RYR2: variants seen among roughly 807,000 people sequenced by gnomAD.
RYR2 encodes ryanodine receptor 2.
Under a neutral mutation model 601.1 loss-of-function variants are expected in RYR2, and 227 were observed. The observed-to-expected ratio is 0.38, with a 90% CI of 0.34 to 0.42. The LOEUF is 0.42. Among genes scored for constraint, RYR2 ranks in the 10% least tolerant of loss-of-function variants. The probability of loss-of-function intolerance (pLI) is 1.00; values close to 1 mark genes in which losing one functional copy is unlikely to be tolerated. For missense variants in RYR2, 4,646 were observed against 6,156.5 expected (o/e 0.75, Z 8.21); for synonymous variants, 2,223 against 2,175.1 (o/e 1.02, Z -0.61).
chr1:237,401,612 A>G (rs1703354472), intron 10 of RYR2, among the ~76,000 whole-genome samples: 1 of 152,214 alleles, frequency 6.6e-6, no homozygotes, highest in Admixed American at 6.5e-5. Context: ...CCCTCTTAGC[A>G]CATAAATGTG....
chr1:237,233,737 C>T (rs1008655987), intron 1 of RYR2, among the ~76,000 whole-genome samples: 2 of 152,182 alleles, frequency 1.3e-5, no homozygotes, highest in African/African-American at 2.4e-5. Flanking sequence ...TCACTGCAAT[C>T]TCTTCCTCCT....
At chr1:237,756,437 C>A in intron 81 of RYR2, 50 bp downstream of exon 81, 1 of 1,252,118 alleles carries the variant, frequency 8.0e-7, no homozygotes. Context: ...CAGATTTCCT[C>A]GTTGCTCTCA....
At chr1:237,471,846 C>G (rs1162054099) in intron 17 of RYR2, among the ~76,000 whole-genome samples, 1 of 151,252 alleles carries the variant, frequency 6.6e-6, no homozygotes, top group Non-Finnish European at 1.5e-5. Context: ...TAATGAAAGT[C>G]AAGGGAAAGA....
chr1:237,828,844 A>G (rs1373022320), intron 102 of RYR2, among the ~76,000 whole-genome samples: 1 of 152,132 alleles, frequency 6.6e-6, no homozygotes, highest in Non-Finnish European at 1.5e-5. Flanking sequence ...ATTTCCTAGA[A>G]GAAGGGATGT....
chr1:237,157,153 G>T (rs986407643), intron 1 of RYR2, among the ~76,000 whole-genome samples: 4 of 151,878 alleles, frequency 2.6e-5, no homozygotes, highest in African/African-American at 9.7e-5. Context: ...AAAATTAGTT[G>T]GGTGTGGTGG....
At chr1:237,462,208 C>G (rs2150258678) in intron 16 of RYR2, among the ~76,000 whole-genome samples, 1 of 152,242 alleles carries the variant, frequency 6.6e-6, no homozygotes. Flanking sequence ...CATAGATTCT[C>G]TCCTGGGGTT....
At chr1:237,441,285 G>A (rs750736457) in intron 12 of RYR2, 34 bp from the exon 13 acceptor site, 17 of 1,612,042 alleles carry the variant, frequency 1.1e-5, no homozygotes, top group Non-Finnish European at 1.4e-5. Context: ...TTTTTGAAAT[G>A]TTTACTGACC....
At position 237,530,490 on chromosome 1, in the gene RYR2, A is replaced by G. The variant is rs2147940587; in HGVS notation, c.2886A>G (p.Lys962=). The G allele has an allele frequency of 1.2e-6, 2 of 1,605,736 alleles. No individual in the cohort carries two copies. The highest frequency in any genetic ancestry group is 8.5e-7 in the Non-Finnish European group (1 of 1,175,768). ...ATGAACATGCTGAAGACAAGGTGAA[A>G]AAAATGAAGCTACCCAAGAAGTAAG... ...ISDEHAEDKV[K]KMKLPKNYQL... Residue 962 remains lysine, a synonymous_variant, in exon 25 of 105, where the codon AAA becomes AAG. Coordinates refer to ENST00000366574, the MANE Select transcript of RYR2 (RefSeq NM_001035.3).
chr1:237,575,444 C>T (rs1277311062), intron 29 of RYR2, among the ~76,000 whole-genome samples: 1 of 152,104 alleles, frequency 6.6e-6, no homozygotes, highest in Non-Finnish European at 1.5e-5. Context: ...CCTTTATGTA[C>T]ACATTCCTCA....
intron 1 of RYR2, among the ~76,000 whole-genome samples, chr1:237,097,973 T>G (rs1441551565): frequency 6.6e-6 from 1 of 152,246 alleles, no homozygotes; most frequent in Non-Finnish European, 1.5e-5. Flanking sequence ...AATTTCAAAT[T>G]GCATGTCCTT....
intron 12 of RYR2, among the ~76,000 whole-genome samples, chr1:237,428,447 G>A (rs1376172774): frequency 6.6e-6 from 1 of 152,140 alleles, no homozygotes; most frequent in African/African-American, 2.4e-5. Context: ...GTCCTTTGAA[G>A]TGACATGGAT....
intron 60 of RYR2, among the ~76,000 whole-genome samples, chr1:237,676,955 C>G (rs1445288462): frequency 6.6e-6 from 1 of 152,026 alleles, no homozygotes; most frequent in Non-Finnish European, 1.5e-5. Flanking sequence ...ATGAATCCAG[C>G]CATTTTGCAT....
At chr1:237,073,975 C>T (rs1163248950) in intron 1 of RYR2, among the ~76,000 whole-genome samples, 1 of 150,996 alleles carries the variant, frequency 6.6e-6, no homozygotes, top group African/African-American at 2.4e-5. Context: ...TCACCTTTTC[C>T]TTTTCGTCGT....
At chr1:237,350,950 T>C (rs931684997) in intron 3 of RYR2, among the ~76,000 whole-genome samples, 8 of 152,086 alleles carry the variant, frequency 5.3e-5, no homozygotes, top group Admixed American at 1.3e-4. Context: ...CACAGCACCA[T>C]ATGCTGAGAA....
At chr1:237,789,805 G>A (rs112949399) in intron 92 of RYR2, among the ~76,000 whole-genome samples, 4 of 152,338 alleles carry the variant, frequency 2.6e-5, no homozygotes, top group African/African-American at 9.6e-5. Flanking sequence ...CACATGACCA[G>A]TCATGGCCAC....
chr1:237,772,993 T>G (rs939106337), intron 86 of RYR2, among the ~76,000 whole-genome samples: 1 of 152,222 alleles, frequency 6.6e-6, no homozygotes, highest in African/African-American at 2.4e-5. Context: ...CTTATTTAGA[T>G]ATTTGTTTAC....
chr1:237,644,659 GT>G (rs910270268), intron 48 of RYR2, among the ~76,000 whole-genome samples: 1 of 151,666 alleles, frequency 6.6e-6, no homozygotes, highest in Non-Finnish European at 1.5e-5. Context: ...AATGTAAGGT[GT>G]TTTTTTTCAG....
At position 237,655,714 on chromosome 1, in the gene RYR2, C is replaced by G. The variant is rs515474; in HGVS notation, c.7966-107C>G. ...AGAATGATCAGAGAGTTCAGTTAGT[C>G]CAGGGTAATTCAGATTTTCTTCTGC... is the stretch of plus-strand genomic sequence containing the variant. On this transcript the variant is annotated intron_variant, in intron 52 of 104. Transcript: ENST00000366574. 0.24 allele frequency: 238,638 copies of G among 998,076 alleles called. 32,605 individuals carry two copies. Among genetic ancestry groups the G allele is most frequent in the East Asian group, 0.48 (17,595 of 36,910 alleles). 61.8% of individuals were successfully genotyped at this position (998,076 alleles called of 1,614,324 possible). A position where few individuals can be genotyped will look rare whatever the true frequency, so the allele number is the denominator to read the frequency against.
chr1:237,095,971 A>G lies in RYR2; in HGVS notation c.48+53402A>G, dbSNP rs567803862. The stretch of plus-strand genomic sequence containing the variant: ...CCTTCCACTGGAGCCATTCTACTAG[A>G]ATAGTTTTCATTTCTCATGCAGAGG... On this transcript the variant is annotated intron_variant, in intron 1 of 104. Transcript: ENST00000366574. 5.9e-5 allele frequency among the ~76,000 whole-genome samples: 9 copies of G among 152,338 alleles called. No individual in the cohort carries two copies. In the South Asian group the frequency reaches 1.9e-3, roughly 32 times the overall value.
Sources: allele counts gnomAD v4.1 joint callset (sites outside exome capture counted in the v4.1 genomes callset), GRCh38; gene constraint gnomAD v4.1.1; transcripts MANE v1.5; gene names NCBI Gene and HGNC (gene_info 2026-07-23, HGNC 2026-07-21).